The following PDXDC1 variants were observed in gnomAD, a reference collection of about 807,000 sequenced individuals.
The protein encoded by PDXDC1 is pyridoxal-dependent decarboxylase domain-containing protein 1.
In PDXDC1, 42 loss-of-function variants were observed where a neutral mutation model predicts 100.1. The observed-to-expected ratio is 0.42, with a 90% CI of 0.33 to 0.54. The LOEUF (loss-of-function observed/expected upper bound fraction) is 0.54. Among genes scored for constraint, PDXDC1 ranks in the 20% least tolerant of loss-of-function variants. The pLI is 0.10. For synonymous variants in PDXDC1, 260 were observed against 371.7 expected (o/e 0.70, Z 3.46); for missense variants, 636 against 979.2 (o/e 0.65, Z 4.68).
At chr16:15,032,669 A>AAAAAAAAAAAAAAAAAATT in intron 17 of PDXDC1, 192 bp from the exon 18 acceptor site, 1 of 448,488 alleles carries the variant, frequency 2.2e-6, no homozygotes, top group Non-Finnish European at 3.9e-6. Flanking sequence ...AAAAAAAAAA[A>AAAAAAAAAAAAAAAAAATT]GGCTTTCCTG....
intron 17 of PDXDC1, 192 bp downstream of exon 17, chr16:15,032,098 A>G: frequency 1.7e-6 from 1 of 589,198 alleles, no homozygotes; most frequent in Non-Finnish European, 3.0e-6. Flanking sequence ...CGTGGCGCTC[A>G]GGGAGGGGAG....
intron 16 of PDXDC1, chr16:15,130,308 G>A (rs1234014963): frequency 6.5e-7 from 1 of 1,542,058 alleles, no homozygotes; most frequent in South Asian, 1.2e-5. Flanking sequence ...CTCCTCCAGG[G>A]GCAGCAGCCC....
At chr16:14,994,457 C>T (rs1257089585) in intron 1 of PDXDC1, among the ~76,000 whole-genome samples, 23 of 152,362 alleles carry the variant, frequency 1.5e-4, no homozygotes, top group Admixed American at 3.3e-4. Context: ...TGTAGATATG[C>T]GGCATTATTT....
intron 3 of PDXDC1, among the ~76,000 whole-genome samples, chr16:15,001,460 G>A (rs547076303): frequency 6.6e-6 from 1 of 152,288 alleles, no homozygotes; most frequent in Non-Finnish European, 1.5e-5. Flanking sequence ...CTTCCCTCCA[G>A]CTTGGGTGAC....
chr16:15,047,566 G>A (rs1322578933), intron 16 of PDXDC1: 10 of 1,571,510 alleles, frequency 6.4e-6, no homozygotes, highest in Non-Finnish European at 7.9e-6. Flanking sequence ...GAACAAGGGT[G>A]AAAGGACTCA....
At chr16:15,089,889 T>C (rs1485046889) in intron 16 of PDXDC1, among the ~76,000 whole-genome samples, 1 of 147,540 alleles carries the variant, frequency 6.8e-6, no homozygotes, top group Non-Finnish European at 1.5e-5. Flanking sequence ...TGTCGGCTGA[T>C]ACAAGGAATA....
At chr16:14,982,429 C>G (rs1968201041) in intron 1 of PDXDC1, among the ~76,000 whole-genome samples, 2 of 152,368 alleles carry the variant, frequency 1.3e-5, no homozygotes, top group South Asian at 4.1e-4. Flanking sequence ...TCGAGACCAG[C>G]CTGGCCCACG....
the PDXDC1 span, among the ~76,000 whole-genome samples, chr16:15,149,939 G>A: frequency 5.3e-5 from 8 of 152,262 alleles, no homozygotes; most frequent in East Asian, 1.9e-4. Flanking sequence ...CCACGGAGGA[G>A]ACACCATGGA....
chr16:15,133,318 G>A (rs1441343290), intron 16 of PDXDC1: 58 of 1,547,738 alleles, frequency 3.7e-5, no homozygotes, highest in Admixed American at 6.9e-5. Flanking sequence ...GCTGGGGATC[G>A]GCCTGCCGCA....
At chr16:15,022,624 C>A in intron 12 of PDXDC1, 80 bp from the exon 13 acceptor site, 1 of 1,380,534 alleles carries the variant, frequency 7.2e-7, no homozygotes, top group East Asian at 2.5e-5. Flanking sequence ...TGTTCACAGA[C>A]CTCCACAGCC....
At chr16:15,020,380 TATC>T (rs1209744542) in intron 12 of PDXDC1, among the ~76,000 whole-genome samples, 14 of 152,254 alleles carry the variant, frequency 9.2e-5, no homozygotes, top group African/African-American at 3.4e-4. Flanking sequence ...CTTCCTCAAG[TATC>T]ATTTCTATAT....
At chr16:15,150,201 G>A in the PDXDC1 span, among the ~76,000 whole-genome samples, 2 of 151,816 alleles carry the variant, frequency 1.3e-5, no homozygotes, top group Non-Finnish European at 2.9e-5. Flanking sequence ...AAAATTAGCT[G>A]GGCATGGTGG....
intron 16 of PDXDC1, among the ~76,000 whole-genome samples, chr16:15,083,321 C>A (rs909313465): frequency 1.3e-5 from 2 of 152,090 alleles, no homozygotes; most frequent in Non-Finnish European, 2.9e-5. Context: ...ATCGCTTGAA[C>A]CCGAGAGGCA....
intron 16 of PDXDC1, among the ~76,000 whole-genome samples, chr16:15,075,084 T>C (rs2045394815): frequency 6.6e-6 from 1 of 150,982 alleles, no homozygotes; most frequent in Admixed American, 6.6e-5. Context: ...ACTCTGTCTC[T>C]ACTAAAAATA....
the PDXDC1 span, among the ~76,000 whole-genome samples, chr16:15,151,804 G>A: frequency 7.9e-6 from 1 of 127,182 alleles, no homozygotes; most frequent in Non-Finnish European, 1.8e-5. Flanking sequence ...GGTGGTGCAC[G>A]CCTGTAATCC....
At chr16:15,077,657 C>A (rs569345092) in intron 16 of PDXDC1, among the ~76,000 whole-genome samples, 1 of 152,126 alleles carries the variant, frequency 6.6e-6, no homozygotes, top group East Asian at 1.9e-4. Context: ...CTGGCTAACA[C>A]GGTGAAACCC....
the PDXDC1 span, among the ~76,000 whole-genome samples, chr16:15,144,743 G>A: frequency 6.6e-6 from 1 of 152,174 alleles, no homozygotes; most frequent in African/African-American, 2.4e-5. Context: ...CTCCGGCCTC[G>A]GAGGCTGAAC....
At chr16:15,080,294 A>C (rs905236296) in intron 16 of PDXDC1, among the ~76,000 whole-genome samples, 1 of 152,256 alleles carries the variant, frequency 6.6e-6, no homozygotes, top group African/African-American at 2.4e-5. Flanking sequence ...CCAGTAAATG[A>C]AATTTTTAAT....
intron 16 of PDXDC1, among the ~76,000 whole-genome samples, chr16:15,096,816 C>T (rs1466399838): frequency 6.6e-6 from 1 of 152,208 alleles, no homozygotes; most frequent in Admixed American, 6.5e-5. Flanking sequence ...CCCGAACCCA[C>T]ACCACCAAGC....
Sources: allele counts gnomAD v4.1 joint callset (sites outside exome capture counted in the v4.1 genomes callset), GRCh38; gene constraint gnomAD v4.1.1; transcripts MANE v1.5; gene names NCBI Gene and HGNC (gene_info 2026-07-23, HGNC 2026-07-21).